The following RETREG3 variants were observed in gnomAD, a reference collection of about 807,000 sequenced individuals.
RETREG3 encodes the protein reticulophagy regulator 3.
Under a neutral mutation model 50.2 loss-of-function variants are expected in RETREG3, and 23 were observed. That is an observed-to-expected ratio of 0.46 (90% CI 0.33 to 0.65). RETREG3 has a LOEUF of 0.65. RETREG3 is among the 30% of genes least tolerant of loss of function. The probability of loss-of-function intolerance (pLI) is 0.02; values close to 1 mark genes in which losing one functional copy is unlikely to be tolerated. For synonymous variants in RETREG3, 240 were observed against 234.4 expected, an observed-to-expected ratio of 1.02 and a Z score of -0.22; for missense variants, 546 against 598.0, an observed-to-expected ratio of 0.91 and a Z score of 0.91.
intron 2 of RETREG3, among the ~76,000 whole-genome samples, chr17:42,590,211 A>G (rs28392888): frequency 5.5e-4 from 83 of 151,902 alleles, no homozygotes; most frequent in Non-Finnish European, 9.4e-4. Context: ...CTCAAAAAAA[A>G]TTTTTTTTAC....
At chr17:42,597,601 A>T (rs796668480) in intron 1 of RETREG3, among the ~76,000 whole-genome samples, 2,413 of 10,228 alleles carry the variant, frequency 0.24, 134 homozygotes, top group Non-Finnish European at 0.31. Context: ...ATATATATAT[A>T]TATATATATA....
rs78345139 is a variant in RETREG3, at chr17:42,579,643, T to C, written c.*2170A>G. On this transcript the variant is annotated 3_prime_UTR_variant, in exon 9 of 9. Transcript: ENST00000309428. ...CTTCCGAAGATTTTGCTCTCCTTCC[T>C]TCCCTCCCTCTTGCCAACTCCCAAG... 0.03 allele frequency: 4,592 copies of C among 152,802 alleles called. 101 individuals carry two copies. Among genetic ancestry groups the C allele is most frequent in the Non-Finnish European group, 0.046 (3,155 of 68,048 alleles). 9.5% of individuals were successfully genotyped at this position (152,802 alleles called of 1,614,324 possible).
Position 42,581,631 on chromosome 17 carries a change from T to A in RETREG3, c.*182A>T. On this transcript the variant is annotated 3_prime_UTR_variant, in exon 9 of 9. Coordinates refer to ENST00000309428, the MANE Select transcript of RETREG3 (RefSeq NM_178126.4). ...CAGTGACTGAGCTCAGAAATGGGCA[T>A]CCAGCTGGTGGGAGGGGAGTGAGTG... 1 of 567,028 alleles carries A rather than the reference T, an allele frequency of 1.8e-6. No individual in the cohort carries two copies. The highest frequency in any genetic ancestry group is 3.0e-6 in the Non-Finnish European group (1 of 328,588). 35.1% of individuals were successfully genotyped at this position (567,028 alleles called of 1,614,324 possible). A position where few individuals can be genotyped will look rare whatever the true frequency, so the allele number is the denominator to read the frequency against.
intron 1 of RETREG3, among the ~76,000 whole-genome samples, chr17:42,594,510 C>T (rs185454798): frequency 1.3e-5 from 2 of 151,232 alleles, no homozygotes; most frequent in East Asian, 2.0e-4. Context: ...GCTGAGATCG[C>T]GCCACTGTAC....
At chr17:42,601,635 T>TC (rs1397654910) in intron 1 of RETREG3, among the ~76,000 whole-genome samples, 1 of 138,236 alleles carries the variant, frequency 7.2e-6, no homozygotes, top group African/African-American at 2.6e-5. Flanking sequence ...CAACTTTTTT[T>TC]TTTTTTTTTT....
intron 1 of RETREG3, among the ~76,000 whole-genome samples, chr17:42,599,534 A>G (rs1258436593): frequency 6.6e-6 from 1 of 151,762 alleles, no homozygotes; most frequent in Non-Finnish European, 1.5e-5. Flanking sequence ...TATGCCTGTA[A>G]TCTCAGCTAC....
intron 1 of RETREG3, chr17:42,599,039 T>TGGA (rs2093153522): frequency 6.6e-6 from 1 of 152,196 alleles, no homozygotes; most frequent in Non-Finnish European, 1.5e-5. Flanking sequence ...CTATTTGTGT[T>TGGA]AGTAATCGTG....
chr17:42,609,301 G>A lies in RETREG3; in HGVS notation c.24C>T (p.Pro8=), dbSNP rs747055234. The change falls in exon 1 of 9, where the codon CCC becomes CCT. Residue 8 remains proline, a synonymous_variant. Transcript: ENST00000309428. MAEAEGV[P]TTPGPASGST... is the part of the protein sequence containing the mutation. ...ACCCCGAAGCCGGGCCTGGGGTCGT[G>A]GGAACCCCTTCGGCCTCAGCCATCT... 4.4e-6 allele frequency: 7 copies of A among 1,601,850 alleles called. No homozygotes were observed. In the East Asian group the frequency reaches 1.1e-4, roughly 26 times the overall value.
At chr17:42,598,042 T>G (rs2093151443) in intron 1 of RETREG3, among the ~76,000 whole-genome samples, 1 of 142,034 alleles carries the variant, frequency 7.0e-6, no homozygotes, top group Admixed American at 7.5e-5. Context: ...AGTACAGTGG[T>G]GCGATCTCGG....
chr17:42,588,977 G>GA (rs1221046971), intron 2 of RETREG3, among the ~76,000 whole-genome samples: 5 of 152,096 alleles, frequency 3.3e-5, no homozygotes, highest in Non-Finnish European at 7.4e-5. Flanking sequence ...TCTTTAAAAA[G>GA]AGACCCAGAG....
intron 3 of RETREG3, 81 bp from the exon 4 acceptor site, chr17:42,586,972 C>T (rs180988490): frequency 1.3e-5 from 21 of 1,569,350 alleles, no homozygotes; most frequent in South Asian, 9.2e-5. Flanking sequence ...CCAGTGCTTC[C>T]GGTTTTAAAT....
intron 1 of RETREG3, among the ~76,000 whole-genome samples, chr17:42,598,199 T>C (rs2093151856): frequency 6.6e-6 from 1 of 151,684 alleles, no homozygotes; most frequent in Non-Finnish European, 1.5e-5. Context: ...GCTAGGATTG[T>C]CTCGATCTCC....
chr17:42,603,793 C>T (rs9901225), intron 1 of RETREG3, among the ~76,000 whole-genome samples: 76,610 of 151,830 alleles, frequency 0.5, 19,558 homozygotes, highest in South Asian at 0.64. Flanking sequence ...CTGGCTAAAA[C>T]GGTGAAACCC....
chr17:42,609,408 G>A (rs1273182337), upstream of RETREG3: 15 of 1,444,492 alleles, frequency 1.0e-5, no homozygotes, highest in African/African-American at 2.8e-5. Context: ...ATTCGGCGGG[G>A]GAGGTGGCTT....
chr17:42,594,855 T>TA (rs1439013874), intron 1 of RETREG3, among the ~76,000 whole-genome samples: 1 of 150,668 alleles, frequency 6.6e-6, no homozygotes, highest in East Asian at 2.0e-4. Flanking sequence ...CGTCTCAAAA[T>TA]AAATACATAC....
At chr17:42,603,958 CAG>C (rs1312314840) in intron 1 of RETREG3, among the ~76,000 whole-genome samples, 6 of 148,972 alleles carry the variant, frequency 4.0e-5, no homozygotes, top group African/African-American at 1.5e-4. Flanking sequence ...GCCTGGGCGA[CAG>C]AGCGAGACTC....
chr17:42,603,750 G>T (rs992483693), intron 1 of RETREG3, among the ~76,000 whole-genome samples: 3 of 152,168 alleles, frequency 2.0e-5, no homozygotes, highest in African/African-American at 7.2e-5. Flanking sequence ...GACCGAGGCG[G>T]GCGGATCACG....
chr17:42,597,511 G>A (rs1597739756), intron 1 of RETREG3, among the ~76,000 whole-genome samples: 2 of 123,512 alleles, frequency 1.6e-5, no homozygotes, highest in African/African-American at 5.7e-5. Flanking sequence ...GTGTGTGTGT[G>A]TGTGTGTGTG....
At chr17:42,595,338 C>G (rs2093141977) in intron 1 of RETREG3, among the ~76,000 whole-genome samples, 1 of 151,796 alleles carries the variant, frequency 6.6e-6, no homozygotes, top group South Asian at 2.1e-4. Flanking sequence ...AACTCCCTGA[C>G]CTCGTGATCC....
Sources: gnomAD v4.1 joint callset for allele counts (sites outside exome capture counted in the v4.1 genomes callset) on GRCh38, gnomAD v4.1.1 for gene constraint, MANE v1.5 for transcripts, NCBI Gene and HGNC (gene_info 2026-07-23, HGNC 2026-07-21) for gene names.